Variants in ETV6 observed in about 807,000 individuals in gnomAD.
The protein encoded by ETV6 is ETS variant transcription factor 6, also known as transcription factor ETV6.
In ETV6, 16 loss-of-function variants were observed where a neutral mutation model predicts 51.1. The observed-to-expected ratio is 0.31, with a 90% confidence interval of 0.21 to 0.48. The LOEUF (loss-of-function observed/expected upper bound fraction) is 0.48. Among genes scored for constraint, ETV6 ranks in the 20% least tolerant of loss-of-function variants. The probability of loss-of-function intolerance (pLI) is 0.99; values close to 1 mark genes in which losing one functional copy is unlikely to be tolerated. For missense variants in ETV6, 458 were observed against 594.8 expected (o/e 0.77, Z 2.39); for synonymous variants, 240 against 224.1 (o/e 1.07, Z -0.64).
At chr12:11,690,554 G>T (rs1156789736) in intron 1 of ETV6, among the ~76,000 whole-genome samples, 2 of 151,870 alleles carry the variant, frequency 1.3e-5, no homozygotes, top group Admixed American at 1.3e-4. Context: ...TTGTACCACC[G>T]CACCCTAGCC....
At chr12:11,656,344 A>G (rs1863999119) in intron 1 of ETV6, among the ~76,000 whole-genome samples, 1 of 152,214 alleles carries the variant, frequency 6.6e-6, no homozygotes, top group Admixed American at 6.5e-5. Flanking sequence ...AAGTGCAGCC[A>G]TTTTTGCGAA....
In ETV6 at chr12:11,815,225, T is replaced by C. The variant is rs1945973817; in HGVS notation, c.164-23915T>C. On this transcript the variant is annotated intron_variant, in intron 2 of 7. Transcript: ENST00000396373. ...ATTAAAAAAAAGAAGTTACTCCCAC[T>C]TTCCAGATGAGAAAACAAATTCAAA... 2.0e-5 allele frequency among the ~76,000 whole-genome samples: 3 copies of C among 152,280 alleles called. 1 individual carries two copies. In the South Asian group the frequency reaches 6.2e-4, roughly 32 times the overall value.
At chr12:11,673,416 G>A (rs1326490149) in intron 1 of ETV6, among the ~76,000 whole-genome samples, 1 of 152,206 alleles carries the variant, frequency 6.6e-6, no homozygotes, top group African/African-American at 2.4e-5. Context: ...GTATCAAGAG[G>A]AAAGCACTGT....
At chr12:11,667,142 C>A (rs371824141) in intron 1 of ETV6, among the ~76,000 whole-genome samples, 5 of 152,224 alleles carry the variant, frequency 3.3e-5, no homozygotes, top group Non-Finnish European at 7.3e-5. Context: ...CATCCTCAGA[C>A]AATGTGCTGC....
chr12:11,865,678 CAT>C (rs1303163329), intron 4 of ETV6, among the ~76,000 whole-genome samples: 2 of 147,960 alleles, frequency 1.4e-5, no homozygotes, highest in African/African-American at 2.5e-5. Flanking sequence ...ATACTATAAT[CAT>C]ATATAGTATA....
intron 2 of ETV6, among the ~76,000 whole-genome samples, chr12:11,833,868 C>T (rs1248615119): frequency 6.6e-6 from 1 of 152,122 alleles, no homozygotes; most frequent in Non-Finnish European, 1.5e-5. Flanking sequence ...TGTCATGGCA[C>T]CACCACTTCC....
rs1394547468 is a variant in ETV6 at position 11,869,782 on chromosome 12, G to A, written c.822G>A (p.Met274Ile). Residue 274 changes from methionine (M) to isoleucine (I), a missense_variant, in exon 5 of 8, where the codon ATG becomes ATA. Met to Ile is a conservative substitution (Grantham distance 10, BLOSUM62 1). This residue lies in a region of ETV6 where 293 missense variants were observed against 315.7 expected (regional missense o/e 0.93). Coordinates refer to ENST00000396373, the MANE Select transcript of ETV6 (RefSeq NM_001987.5). This position sits in a 1 kb window ranked among gnomAD's most constrained non-coding sequence, Gnocchi z 5.0. ...TCCAGCTGATGCCCAGCCCCATCAT[G>A]CACCCTCTGATCCTGAACCCCCGGC... ...RVIQLMPSPIMHPLILNPRHS... is the reference protein window; with the variant it reads ...RVIQLMPSPIIHPLILNPRHS... The A allele has an allele frequency of 6.2e-7, 1 of 1,613,186 alleles. No individual in the cohort carries two copies. The highest frequency in any genetic ancestry group is 1.7e-5 in the Admixed American group (1 of 60,016).
chr12:11,774,719 A>G (rs1437713547), intron 2 of ETV6, among the ~76,000 whole-genome samples: 2 of 152,208 alleles, frequency 1.3e-5, no homozygotes, highest in African/African-American at 4.8e-5. Context: ...TTCTAGCACA[A>G]TCAAGCTGGT....
chr12:11,886,814 C>T (rs149633266), intron 7 of ETV6, among the ~76,000 whole-genome samples: 1 of 152,208 alleles, frequency 6.6e-6, no homozygotes, highest in Admixed American at 6.5e-5. Flanking sequence ...AGAAGTAGAC[C>T]TCTGGTGCTG....
chr12:11,662,903 G>A (rs949236445), intron 1 of ETV6, among the ~76,000 whole-genome samples: 9 of 152,204 alleles, frequency 5.9e-5, no homozygotes, highest in African/African-American at 2.2e-4. Flanking sequence ...TGGGGTCTGT[G>A]TGGACAAGAT....
intron 1 of ETV6, among the ~76,000 whole-genome samples, chr12:11,731,420 A>G (rs1016074628): frequency 2.0e-5 from 3 of 152,258 alleles, no homozygotes; most frequent in African/African-American, 7.2e-5. Flanking sequence ...CTTATGGAGA[A>G]AAGTGAGTGT....
intron 1 of ETV6, among the ~76,000 whole-genome samples, chr12:11,652,378 C>T (rs928273399): frequency 6.6e-6 from 1 of 152,128 alleles, no homozygotes; most frequent in African/African-American, 2.4e-5. Flanking sequence ...ATGTGTGCTG[C>T]GTTTCATTTA....
At chr12:11,652,680 G>A (rs918880570) in intron 1 of ETV6, among the ~76,000 whole-genome samples, 2 of 152,132 alleles carry the variant, frequency 1.3e-5, no homozygotes, top group African/African-American at 4.8e-5. Context: ...GTTCCTCAGC[G>A]GCTGGTGAGA....
intron 2 of ETV6, among the ~76,000 whole-genome samples, chr12:11,799,990 C>G (rs1266894306): frequency 1.3e-5 from 2 of 152,140 alleles, no homozygotes; most frequent in Non-Finnish European, 2.9e-5. Flanking sequence ...CTTGATGTTT[C>G]TTTACAGCCT....
chr12:11,749,907 T>C (rs1445794994), intron 1 of ETV6, among the ~76,000 whole-genome samples: 1 of 152,228 alleles, frequency 6.6e-6, no homozygotes, highest in Non-Finnish European at 1.5e-5. Context: ...AGGTAACCTC[T>C]CTTGTTGCTG....
intron 4 of ETV6, among the ~76,000 whole-genome samples, chr12:11,855,139 C>A (rs1226156288): frequency 8.8e-4 from 122 of 137,936 alleles, no homozygotes; most frequent in African/African-American, 1.3e-3. Context: ...ACTAAAAATA[C>A]AAAAAAAAAA....
chr12:11,871,045 A>G (rs1343646500), intron 5 of ETV6, among the ~76,000 whole-genome samples: 1 of 152,068 alleles, frequency 6.6e-6, no homozygotes, highest in Non-Finnish European at 1.5e-5. Context: ...GAGAGAACGG[A>G]CCTGTTCAGG....
chr12:11,760,878 A>ATGTGTGTGTGTG (rs59373097), intron 2 of ETV6, among the ~76,000 whole-genome samples: 1,577 of 148,498 alleles, frequency 0.011, 13 homozygotes, highest in South Asian at 0.019. Context: ...TATTATATAT[A>ATGTGTGTGTGTG]TGTGTGTGTG....
intron 1 of ETV6, among the ~76,000 whole-genome samples, chr12:11,670,293 G>A (rs1377427811): frequency 1.3e-5 from 2 of 152,124 alleles, no homozygotes; most frequent in Non-Finnish European, 2.9e-5. Context: ...TACTTCATGT[G>A]ATTCTTGTAG....
Sources: gnomAD v4.1 joint callset for allele counts (sites outside exome capture counted in the v4.1 genomes callset) on GRCh38, gnomAD v4.1.1 for gene constraint, gnomAD v4.1.1 regional missense constraint, Gnocchi (gnomAD v3.1) non-coding constraint, MANE v1.5 for transcripts, NCBI Gene and HGNC (gene_info 2026-07-23, HGNC 2026-07-21) for gene names.